The following CFAP61 variants were observed in gnomAD, a reference collection of about 807,000 sequenced individuals.
CFAP61 encodes cilia and flagella associated protein 61, also known as cilia- and flagella-associated protein 61.
In CFAP61, 107 loss-of-function variants were observed where a neutral mutation model predicts 135.6. That is an observed-to-expected ratio of 0.79 (90% CI 0.67 to 0.93). The LOEUF is 0.93. Ranked by LOEUF, CFAP61 falls within the 40% of genes least tolerant of loss-of-function variation. The pLI is 0.00. For synonymous variants in CFAP61, 575 were observed against 578.5 expected (o/e 0.99, Z 0.09); for missense variants, 1,507 against 1,556.2 (o/e 0.97, Z 0.53).
At chr20:20,250,783 C>A in intron 19 of CFAP61, among the ~76,000 whole-genome samples, 1 of 152,064 alleles carries the variant, frequency 6.6e-6, no homozygotes, top group East Asian at 1.9e-4. Context: ...TGGAAACAAC[C>A]CTCACAAAAC....
intron 18 of CFAP61, among the ~76,000 whole-genome samples, chr20:20,234,279 G>T (rs1390958611): frequency 1.3e-5 from 2 of 152,174 alleles, no homozygotes; most frequent in Admixed American, 6.5e-5. Flanking sequence ...GCAGACAGGA[G>T]ACCCCTTGCA....
chr20:20,355,709 C>T (rs2059094658), intron 26 of CFAP61, among the ~76,000 whole-genome samples: 1 of 137,068 alleles, frequency 7.3e-6, no homozygotes, highest in African/African-American at 2.9e-5. Flanking sequence ...AGGAGGTGGT[C>T]ACACTGTGAG....
chr20:20,141,457 A>G (rs933858503), intron 8 of CFAP61, among the ~76,000 whole-genome samples: 4 of 152,092 alleles, frequency 2.6e-5, no homozygotes, highest in Non-Finnish European at 5.9e-5. Flanking sequence ...ATTTTCCTCA[A>G]AGCATCTTTC....
At chr20:20,268,411 C>T (rs1841825542) in intron 21 of CFAP61, among the ~76,000 whole-genome samples, 1 of 152,204 alleles carries the variant, frequency 6.6e-6, no homozygotes, top group African/African-American at 2.4e-5. Flanking sequence ...AGGAAGTCGG[C>T]TCTCCTTTGA....
In CFAP61 at chr20:20,199,729, G is replaced by C. The variant is rs747004984; in HGVS notation, c.1798-39G>C. On this transcript the variant is annotated intron_variant, in intron 16 of 26. Transcript: ENST00000245957. The stretch of plus-strand genomic sequence containing the variant: ...GCAGACATCTGTGCTGAGCCTCTCT[G>C]ACATTCTCTCCCCTAAAATATAGAT... 14 of 1,611,792 alleles carry C rather than the reference G, an allele frequency of 8.7e-6. No individual in the cohort carries two copies. In the South Asian group the frequency reaches 1.5e-4, roughly 18 times the overall value.
chr20:20,246,354 A>G, intron 19 of CFAP61, 139 bp downstream of exon 19: 1 of 682,370 alleles, frequency 1.5e-6, no homozygotes, highest in Non-Finnish European at 2.6e-6. Flanking sequence ...GACATCACTT[A>G]GGAGATACAA....
At chr20:20,101,635 A>AT (rs1010197735) in intron 8 of CFAP61, among the ~76,000 whole-genome samples, 8 of 77,750 alleles carry the variant, frequency 1.0e-4, no homozygotes, top group Non-Finnish European at 1.7e-4. Flanking sequence ...TATTATTGTT[A>AT]TTTTTTTGAG....
At chr20:20,250,789 A>C (rs775088069) in intron 19 of CFAP61, among the ~76,000 whole-genome samples, 16 of 151,734 alleles carry the variant, frequency 1.1e-4, no homozygotes, top group Non-Finnish European at 2.2e-4. Flanking sequence ...CAACCCTCAC[A>C]AAACTGTTTA....
chr20:20,239,426 T>C (rs1833169244), intron 18 of CFAP61, among the ~76,000 whole-genome samples: 1 of 152,174 alleles, frequency 6.6e-6, no homozygotes, highest in South Asian at 2.1e-4. Context: ...TTACAAAGAA[T>C]GTCGGGGAAG....
At chr20:20,202,013 T>C (rs1317973775) in intron 17 of CFAP61, among the ~76,000 whole-genome samples, 2 of 150,242 alleles carry the variant, frequency 1.3e-5, no homozygotes, top group Non-Finnish European at 3.0e-5. Flanking sequence ...TTAGGTGACT[T>C]TGAGGTGAGT....
chr20:20,329,639 G>A lies in CFAP61; in HGVS notation c.3423-12192G>A, dbSNP rs1331785329. Among the ~76,000 whole-genome samples the A allele has an allele frequency of 2.0e-5, 3 of 152,116 alleles. No homozygotes were observed. In the East Asian group the frequency reaches 5.8e-4, roughly 29 times the overall value. Reference sequence around the variant, plus strand: ...CCTTCCCATGGCTTTCCATCACTTGGGAGATAAAGTCCAAGCCCCATACAC... The same window carrying A: ...CCTTCCCATGGCTTTCCATCACTTGAGAGATAAAGTCCAAGCCCCATACAC... On this transcript the variant is annotated intron_variant, in intron 25 of 26. Coordinates refer to ENST00000245957, the MANE Select transcript of CFAP61 (RefSeq NM_015585.4).
chr20:20,283,071 G>A (rs535558892), intron 22 of CFAP61, among the ~76,000 whole-genome samples: 2 of 152,298 alleles, frequency 1.3e-5, no homozygotes, highest in East Asian at 3.9e-4. Flanking sequence ...ATGGTTGACG[G>A]TGATGTTCGA....
chr20:20,334,284 AC>A (rs1400714195), intron 25 of CFAP61, among the ~76,000 whole-genome samples: 1 of 151,808 alleles, frequency 6.6e-6, no homozygotes, highest in Non-Finnish European at 1.5e-5. Flanking sequence ...GCACCACCAC[AC>A]CCTGCTAATT....
At chr20:20,299,208 T>G (rs998187247) in intron 25 of CFAP61, among the ~76,000 whole-genome samples, 4 of 152,238 alleles carry the variant, frequency 2.6e-5, no homozygotes, top group Non-Finnish European at 4.4e-5. Flanking sequence ...GAAATATGTA[T>G]GGACACTTAA....
At chr20:20,297,044 A>G (rs772257111) in intron 24 of CFAP61, among the ~76,000 whole-genome samples, 4 of 151,828 alleles carry the variant, frequency 2.6e-5, no homozygotes, top group Non-Finnish European at 5.9e-5. Flanking sequence ...CAAATGCCCA[A>G]TCTCTCACAC....
intron 2 of CFAP61, among the ~76,000 whole-genome samples, chr20:20,067,688 AT>A (rs201512692): frequency 0.099 from 14,164 of 143,154 alleles, 1,432 homozygotes; most frequent in East Asian, 0.58. Context: ...ATTATATATA[AT>A]TTTTTTATAT....
At chr20:20,347,731 G>A (rs978227974) in intron 26 of CFAP61, among the ~76,000 whole-genome samples, 4 of 151,914 alleles carry the variant, frequency 2.6e-5, no homozygotes, top group African/African-American at 4.8e-5. Context: ...TCAGGAGTTC[G>A]AGACCAACCT....
chr20:20,105,270 A>G (rs2048301013), intron 8 of CFAP61, among the ~76,000 whole-genome samples: 1 of 152,110 alleles, frequency 6.6e-6, no homozygotes, highest in South Asian at 2.1e-4. Flanking sequence ...AGATCCCCCT[A>G]GGAGAGGAGT....
intron 9 of CFAP61, among the ~76,000 whole-genome samples, chr20:20,148,312 A>G (rs935458917): frequency 2.0e-5 from 3 of 152,124 alleles, no homozygotes; most frequent in Non-Finnish European, 4.4e-5. Flanking sequence ...TTTTCATGGG[A>G]ATTGCATTGA....
Sources: gnomAD v4.1 joint callset for allele counts (sites outside exome capture counted in the v4.1 genomes callset) on GRCh38, gnomAD v4.1.1 for gene constraint, MANE v1.5 for transcripts, NCBI Gene and HGNC (gene_info 2026-07-23, HGNC 2026-07-21) for gene names.